VHL: variants seen among roughly 807,000 people sequenced by gnomAD.
VHL encodes the protein von Hippel-Lindau disease tumor suppressor.
Under a neutral mutation model 19.2 loss-of-function variants are expected in VHL, and 10 were observed. The observed-to-expected ratio is 0.52, with a 90% CI of 0.32 to 0.89. The LOEUF is 0.89. VHL is among the 40% of genes least tolerant of loss of function. The pLI, the probability that VHL is intolerant of heterozygous loss-of-function variation, is 0.03. For missense variants in VHL, 328 were observed against 292.7 expected, an observed-to-expected ratio of 1.12 and a Z score of -0.88; for synonymous variants, 167 against 129.5, an observed-to-expected ratio of 1.29 and a Z score of -1.97.
intron 2 of VHL, among the ~76,000 whole-genome samples, 174 bp from the exon 3 acceptor site, chr3:10,149,613 G>C (rs1696349611): frequency 6.6e-6 from 1 of 152,182 alleles, no homozygotes; most frequent in African/African-American, 2.4e-5. Flanking sequence ...ACACCATGAG[G>C]TGTCCATAGG....
At chr3:10,149,345 T>C (rs1406153952) in intron 2 of VHL, among the ~76,000 whole-genome samples, 1 of 152,112 alleles carries the variant, frequency 6.6e-6, no homozygotes, top group Non-Finnish European at 1.5e-5. Flanking sequence ...ACTCCTGAGC[T>C]CAGGCGATCT....
In VHL at chr3:10,146,649, T is replaced by G. The variant is rs1213910869; in HGVS notation, c.463+13T>G. On this transcript the variant is annotated intron_variant, in intron 2 of 2. Coordinates refer to ENST00000256474, the MANE Select transcript of VHL (RefSeq NM_000551.4). ...ATCACACTGCCAGGTACTGACGTTT[T>G]ACTTTTTAAAAAGATAAGGTTGTTG... 1 of 1,613,090 alleles carries G rather than the reference T, an allele frequency of 6.2e-7. No individual in the cohort carries two copies. The highest frequency in any genetic ancestry group is 1.3e-5 in the African/African-American group (1 of 74,904).
intron 1 of VHL, among the ~76,000 whole-genome samples, chr3:10,145,752 A>G (rs1034440538): frequency 6.6e-6 from 1 of 151,972 alleles, no homozygotes; most frequent in South Asian, 2.1e-4. Context: ...TATAATTTAC[A>G]TACAGTAAAA....
At chr3:10,142,361 T>C (rs1575922807) in intron 1 of VHL, among the ~76,000 whole-genome samples, 174 bp downstream of exon 1, 1 of 149,500 alleles carries the variant, frequency 6.7e-6, no homozygotes, top group African/African-American at 2.5e-5. Flanking sequence ...TTTTTTTTTT[T>C]CTGAGACGGA....
chr3:10,150,062 AGT>A lies in VHL; in HGVS notation c.*100_*101del. On this transcript the variant is annotated 3_prime_UTR_variant, in exon 3 of 3. Transcript: ENST00000256474. ...GGACTGGTTCCTTCCTTAGTTTCAA[AGT>A]GTCTCATTCTCAGAGTAAAATAGGC... 6.5e-7 allele frequency: 1 copy of A among 1,550,016 alleles called. No homozygotes were observed. Among genetic ancestry groups the A allele is most frequent in the Non-Finnish European group, 8.7e-7 (1 of 1,146,736 alleles).
chr3:10,150,746 A>G lies in VHL; in HGVS notation c.*781A>G, dbSNP rs1330670188. 3 of 233,200 alleles carry G rather than the reference A, an allele frequency of 1.3e-5. No homozygotes were observed. The highest frequency in any genetic ancestry group is 2.5e-5 in the Non-Finnish European group (3 of 118,090). The allele number at this position is 233,200 out of a possible 1,614,324, so 14.4% of individuals were successfully genotyped here. Reference sequence around the variant, plus strand: ...GATAATAGCATTTTTGTAACTTGCCATCCGCACAGAAAATACGAGAAAATC... The same window carrying G: ...GATAATAGCATTTTTGTAACTTGCCGTCCGCACAGAAAATACGAGAAAATC... On this transcript the variant is annotated 3_prime_UTR_variant, in exon 3 of 3. Coordinates refer to ENST00000256474, the MANE Select transcript of VHL (RefSeq NM_000551.4).
Position 10,151,404 on chromosome 3 carries a change from C to G in VHL, c.*1439C>G. On this transcript the variant is annotated 3_prime_UTR_variant, in exon 3 of 3. Transcript: ENST00000256474. The stretch of plus-strand genomic sequence containing the variant: ...TTTCCACTTTTGTTCTACTCCTTCC[C>G]TAATAGCTTTTTAAAAAAATCTCCC... The G allele has an allele frequency of 4.5e-6, 1 of 221,224 alleles. No homozygotes were observed. Among genetic ancestry groups the G allele is most frequent in the Non-Finnish European group, 9.0e-6 (1 of 110,686 alleles). The allele number at this position is 221,224 out of a possible 1,614,324, so 13.7% of individuals were successfully genotyped here.
intron 1 of VHL, chr3:10,142,615 C>T (rs1696154512): frequency 1.0e-5 from 2 of 200,646 alleles, no homozygotes; most frequent in South Asian, 7.1e-5. Context: ...AAGTGCTGGG[C>T]TTATGGGCAT....
rs1575923363 is a variant in VHL at position 10,142,879 on chromosome 3, G to GGAAGAGCCGACCGTGTGT, written c.340+694_340+711dup. The GGAAGAGCCGACCGTGTGT allele has an allele frequency of 6.6e-6, 1 of 152,392 alleles. No individual in the cohort carries two copies. The highest frequency in any genetic ancestry group is 1.5e-5 in the Non-Finnish European group (1 of 68,234). The allele number at this position is 152,392 out of a possible 1,614,324, so 9.4% of individuals were successfully genotyped here. ...AACAAGCCAGGGTCATGTTGGCGCC[G>GGAAGAGCCGACCGTGTGT]GAAGAGCCGACCGTGTGTGGCGTGG... On this transcript the variant is annotated intron_variant, in intron 1 of 2. Coordinates refer to ENST00000256474, the MANE Select transcript of VHL (RefSeq NM_000551.4).
chr3:10,148,906 C>T (rs1559429256), intron 2 of VHL, among the ~76,000 whole-genome samples: 9 of 151,392 alleles, frequency 5.9e-5, no homozygotes. Flanking sequence ...CTCTTGAGCT[C>T]AGGCAGTCTG....
chr3:10,142,366 G>GGT (rs1696148159), intron 1 of VHL, among the ~76,000 whole-genome samples, 179 bp downstream of exon 1: 1 of 69,240 alleles, frequency 1.4e-5, no homozygotes. Flanking sequence ...TTTTTTCTGA[G>GGT]ACGGAGTCTC....
chr3:10,142,264 A>G, intron 1 of VHL, 77 bp downstream of exon 1: 1 of 1,523,816 alleles, frequency 6.6e-7, no homozygotes, highest in South Asian at 1.2e-5. Flanking sequence ...CCCGGGGTCC[A>G]TTTTGCAGAC....
rs964429627 is a variant in VHL, at chr3:10,152,979, C to T, written c.*3014C>T. Among the ~76,000 whole-genome samples the T allele has an allele frequency of 5.3e-5, 8 of 151,756 alleles. No individual in the cohort carries two copies. Among genetic ancestry groups the T allele is most frequent in the Non-Finnish European group, 1.2e-4 (8 of 67,954 alleles). ...CTAACATGGTGAAACCTCATCTCCACTTAAAATACAAAAATTGCCGGCCGC... is the reference window on the plus strand; with the variant it reads ...CTAACATGGTGAAACCTCATCTCCATTTAAAATACAAAAATTGCCGGCCGC... On this transcript the variant is annotated 3_prime_UTR_variant, in exon 3 of 3. Transcript: ENST00000256474.
At chr3:10,144,860 T>C (rs1696218166) in intron 1 of VHL, among the ~76,000 whole-genome samples, 1 of 152,140 alleles carries the variant, frequency 6.6e-6, no homozygotes, top group Non-Finnish European at 1.5e-5. Context: ...GCTGCACCCA[T>C]AGAGACCTCG....
At chr3:10,147,666 GTT>G (rs745799758) in intron 2 of VHL, among the ~76,000 whole-genome samples, 3 of 140,708 alleles carry the variant, frequency 2.1e-5, no homozygotes, top group Non-Finnish European at 4.7e-5. Flanking sequence ...CGTCCAGCCT[GTT>G]TTTTTTTTTT....
At chr3:10,149,670 T>C in intron 2 of VHL, 117 bp from the exon 3 acceptor site, 3 of 900,052 alleles carry the variant, frequency 3.3e-6, no homozygotes, top group Non-Finnish European at 5.3e-6. Context: ...TCACTTTTTT[T>C]CTTTAACCTA....
chr3:10,144,890 C>T (rs1394583232), intron 1 of VHL, among the ~76,000 whole-genome samples: 10 of 152,036 alleles, frequency 6.6e-5, no homozygotes, highest in African/African-American at 1.9e-4. Context: ...AAGAAAATAA[C>T]ATTACTTTTG....
At chr3:10,148,936 G>GT (rs1466301742) in intron 2 of VHL, among the ~76,000 whole-genome samples, 2 of 151,644 alleles carry the variant, frequency 1.3e-5, no homozygotes, top group Non-Finnish European at 2.9e-5. Context: ...GCCTCCTAAA[G>GT]TGCTAGGATT....
intron 2 of VHL, among the ~76,000 whole-genome samples, chr3:10,147,322 A>G (rs1026279457): frequency 2.1e-5 from 3 of 141,608 alleles, no homozygotes; most frequent in East Asian, 2.2e-4. Context: ...TGTATTTTCA[A>G]TTTAACACAA....
Sources: allele counts gnomAD v4.1 joint callset (sites outside exome capture counted in the v4.1 genomes callset), GRCh38; gene constraint gnomAD v4.1.1; transcripts MANE v1.5; gene names NCBI Gene and HGNC (gene_info 2026-07-23, HGNC 2026-07-21).